The following RAPGEF1 variants were observed in gnomAD, a reference collection of about 807,000 sequenced individuals.
RAPGEF1 encodes Rap guanine nucleotide exchange factor 1, also known as CRK SH3-binding GNRP.
Under a neutral mutation model 143.3 loss-of-function variants are expected in RAPGEF1, and 33 were observed. That is an observed-to-expected ratio of 0.23 (90% CI 0.17 to 0.31). RAPGEF1 has a LOEUF of 0.31. Among genes scored for constraint, RAPGEF1 ranks in the 10% least tolerant of loss-of-function variants. The pLI is 1.00. For synonymous variants in RAPGEF1, 629 were observed against 676.5 expected (o/e 0.93, Z 1.09); for missense variants, 1,199 against 1,645.4 (o/e 0.73, Z 4.69).
rs1564595593 is a variant in RAPGEF1, at chr9:131,638,721, C to T, written c.565G>A (p.Val189Met). 1 of 1,614,062 alleles carries T rather than the reference C, an allele frequency of 6.2e-7. No homozygotes were observed. Among genetic ancestry groups the T allele is most frequent in the Non-Finnish European group, 8.5e-7 (1 of 1,179,900 alleles). The change falls in exon 5 of 27, where the codon GTG becomes ATG. Residue 189 changes from valine to methionine, a missense_variant. This residue lies in a region of RAPGEF1 where 613 missense variants were observed against 710.9 expected (regional missense o/e 0.86). Coordinates refer to ENST00000683357, the MANE Select transcript of RAPGEF1 (RefSeq NM_001377935.1). ...TCTGAGTTCACGCCTTCCAGCATCA[C>T]TTGGTCAGACCAGCGAATGAGGTTG... is the stretch of plus-strand genomic sequence containing the variant. Reference protein sequence around the residue: ...LANLIRWSDQVMLEGVNSEDK... With the variant: ...LANLIRWSDQMMLEGVNSEDK...
chr9:131,627,824 T>C lies in RAPGEF1; in HGVS notation c.1201+89A>G, dbSNP rs1333980265. The C allele has an allele frequency of 2.9e-5, 40 of 1,370,498 alleles. 1 individual carries two copies. In the South Asian group the frequency reaches 2.9e-4, roughly 10 times the overall value. The allele number at this position is 1,370,498 out of a possible 1,614,324, so 84.9% of individuals were successfully genotyped here. On this transcript the variant is annotated intron_variant, in intron 9 of 26. Transcript: ENST00000683357. ...TCAGCCAAAGCCACGTAGTCAATGA[T>C]TGCATGACCTGGGACTCCCACCCAG...
chr9:131,658,819 G>A (rs1231284245), intron 1 of RAPGEF1, among the ~76,000 whole-genome samples: 1 of 152,204 alleles, frequency 6.6e-6, no homozygotes, highest in Admixed American at 6.5e-5. Context: ...TTGCCCCTCG[G>A]CCAGGCTTAA....
At chr9:131,642,244 CA>C (rs1431399522) in intron 4 of RAPGEF1, among the ~76,000 whole-genome samples, 1 of 152,206 alleles carries the variant, frequency 6.6e-6, no homozygotes, top group Non-Finnish European at 1.5e-5. Context: ...CTTCTTGGGG[CA>C]AAGGCCGGCT....
At chr9:131,634,051 CAGG>C (rs1263543455) in intron 5 of RAPGEF1, among the ~76,000 whole-genome samples, 2 of 152,180 alleles carry the variant, frequency 1.3e-5, no homozygotes, top group African/African-American at 4.8e-5. Context: ...CACTTGAGCC[CAGG>C]AGTTCAAAAC....
At chr9:131,693,648 C>T (rs746619504) in intron 1 of RAPGEF1, among the ~76,000 whole-genome samples, 1 of 152,138 alleles carries the variant, frequency 6.6e-6, no homozygotes, top group Non-Finnish European at 1.5e-5. Context: ...ACACTCAATT[C>T]TATTCAAGTG....
chr9:131,617,232 G>A (rs2132754168), intron 12 of RAPGEF1, among the ~76,000 whole-genome samples: 1 of 152,380 alleles, frequency 6.6e-6, no homozygotes, highest in Non-Finnish European at 1.5e-5. Flanking sequence ...AGCTCGGATT[G>A]TCTAAAGGCC....
chr9:131,695,914 G>C (rs1041281769), intron 1 of RAPGEF1, among the ~76,000 whole-genome samples: 1 of 152,170 alleles, frequency 6.6e-6, no homozygotes, highest in African/African-American at 2.4e-5. Flanking sequence ...ACCGCACCCC[G>C]TTCCCTGCTG....
At chr9:131,586,353 AAC>A (rs1275737322) in intron 22 of RAPGEF1, among the ~76,000 whole-genome samples, 792 of 49,988 alleles carry the variant, frequency 0.016, 22 homozygotes, top group African/African-American at 0.023. Flanking sequence ...CTCCGTCTCA[AAC>A]ACACACACAC....
chr9:131,704,981 C>T (rs532284147), intron 1 of RAPGEF1, among the ~76,000 whole-genome samples: 28 of 152,342 alleles, frequency 1.8e-4, no homozygotes, highest in African/African-American at 5.5e-4. Context: ...ATCATCAACA[C>T]ATTTACTGTT....
At chr9:131,593,109 G>A (rs1436317839) in intron 17 of RAPGEF1, among the ~76,000 whole-genome samples, 1 of 152,246 alleles carries the variant, frequency 6.6e-6, no homozygotes, top group Non-Finnish European at 1.5e-5. Context: ...GGTCCTAAGG[G>A]ATAGGCTGAA....
chr9:131,623,280 G>A (rs552480367), intron 10 of RAPGEF1, among the ~76,000 whole-genome samples: 2 of 152,200 alleles, frequency 1.3e-5, no homozygotes, highest in South Asian at 2.1e-4. Flanking sequence ...GGGCAACATA[G>A]TGAGACCCCC....
At chr9:131,613,676 G>A (rs1390702639) in intron 12 of RAPGEF1, among the ~76,000 whole-genome samples, 1 of 152,218 alleles carries the variant, frequency 6.6e-6, no homozygotes, top group African/African-American at 2.4e-5. Flanking sequence ...TATGTGCCAG[G>A]CATGGGGACT....
chr9:131,690,993 G>T (rs776000147), intron 1 of RAPGEF1, among the ~76,000 whole-genome samples: 2 of 151,932 alleles, frequency 1.3e-5, no homozygotes, highest in Non-Finnish European at 2.9e-5. Context: ...CTAGATAATT[G>T]GCCTAGGAAA....
At chr9:131,647,788 T>C (rs1970038810) in intron 3 of RAPGEF1, among the ~76,000 whole-genome samples, 1 of 152,086 alleles carries the variant, frequency 6.6e-6, no homozygotes, top group African/African-American at 2.4e-5. Context: ...ACATTCCTTC[T>C]TGGGTGAAGA....
chr9:131,677,696 C>T lies in RAPGEF1; in HGVS notation c.62-26747G>A, dbSNP rs371433355. On this transcript the variant is annotated intron_variant, in intron 1 of 26. Transcript: ENST00000683357. ...AAACAGGACTAAAATTAGCTTCCTCCCTTACGCTTAAGGGTCTTACTAAAA... is the reference window on the plus strand; with the variant it reads ...AAACAGGACTAAAATTAGCTTCCTCTCTTACGCTTAAGGGTCTTACTAAAA... Among the ~76,000 whole-genome samples the T allele has an allele frequency of 9.3e-4, 142 of 152,312 alleles. 3 individuals carry two copies. In the South Asian group the frequency reaches 0.029, roughly 31 times the overall value.
At chr9:131,637,075 A>C (rs1276606244) in intron 5 of RAPGEF1, among the ~76,000 whole-genome samples, 6 of 151,848 alleles carry the variant, frequency 4.0e-5, no homozygotes, top group Non-Finnish European at 7.4e-5. Context: ...AAAATATAAA[A>C]TTAGCTGGGT....
At chr9:131,599,682 G>A (rs1955947639) in intron 15 of RAPGEF1, among the ~76,000 whole-genome samples, 1 of 152,162 alleles carries the variant, frequency 6.6e-6, no homozygotes. Flanking sequence ...CCCAGCTTAG[G>A]GTGTTCTGGG....
At chr9:131,662,358 T>C (rs1974360361) in intron 1 of RAPGEF1, among the ~76,000 whole-genome samples, 1 of 152,158 alleles carries the variant, frequency 6.6e-6, no homozygotes, top group South Asian at 2.1e-4. Context: ...CTACAGTTCC[T>C]TTCCTCTTAT....
intron 1 of RAPGEF1, among the ~76,000 whole-genome samples, chr9:131,736,726 T>G (rs1188304046): frequency 6.6e-6 from 1 of 152,176 alleles, no homozygotes; most frequent in African/African-American, 2.4e-5. Flanking sequence ...CCTGGATGCC[T>G]TAAGCACTGA....
Sources: allele counts gnomAD v4.1 joint callset (sites outside exome capture counted in the v4.1 genomes callset), GRCh38; gene constraint gnomAD v4.1.1; regional missense constraint gnomAD v4.1.1; transcripts MANE v1.5; gene names NCBI Gene and HGNC (gene_info 2026-07-23, HGNC 2026-07-21).